SGCZ: variants seen among roughly 807,000 people sequenced by gnomAD.
The protein encoded by SGCZ is zeta-sarcoglycan.
SGCZ carries 40 observed loss-of-function variants against 41.3 expected under a neutral mutation model. That is an observed-to-expected ratio of 0.97 (90% confidence interval 0.75 to 1.26). The LOEUF is 1.26. SGCZ is among the 50% of genes most tolerant of loss of function. The probability of loss-of-function intolerance (pLI) is 0.00; values close to 1 mark genes in which losing one functional copy is unlikely to be tolerated. For missense variants in SGCZ, 552 were observed against 369.8 expected (o/e 1.49, Z -4.04); for synonymous variants, 206 against 137.5 (o/e 1.50, Z -3.49).
At chr8:14,523,684 A>G (rs1802856402) in intron 2 of SGCZ, among the ~76,000 whole-genome samples, 2 of 151,998 alleles carry the variant, frequency 1.3e-5, no homozygotes. Context: ...GATTTGTTCA[A>G]CTTGTTGAAT....
chr8:14,250,264 CA>C (rs1205698727), intron 3 of SGCZ, among the ~76,000 whole-genome samples: 1 of 151,918 alleles, frequency 6.6e-6, no homozygotes, highest in Non-Finnish European at 1.5e-5. Context: ...GCAATTGTTG[CA>C]AAAAAATTTT....
chr8:14,391,261 T>C (rs1257567080), intron 2 of SGCZ, among the ~76,000 whole-genome samples: 2 of 152,180 alleles, frequency 1.3e-5, no homozygotes, highest in South Asian at 2.1e-4. Flanking sequence ...AGGTTCAGTC[T>C]TCTGACAGTT....
intron 1 of SGCZ, among the ~76,000 whole-genome samples, chr8:14,998,971 T>C (rs1802314440): frequency 6.6e-6 from 1 of 152,202 alleles, no homozygotes; most frequent in African/African-American, 2.4e-5. Flanking sequence ...TTTAGCTACT[T>C]CTATAATCTT....
At chr8:14,275,782 G>C (rs539562632) in intron 3 of SGCZ, among the ~76,000 whole-genome samples, 3 of 152,110 alleles carry the variant, frequency 2.0e-5, no homozygotes, top group Admixed American at 2.0e-4. Flanking sequence ...ACTGCTGCTG[G>C]TGGCTGAAGG....
intron 1 of SGCZ, among the ~76,000 whole-genome samples, chr8:15,237,274 G>A (rs1802161855): frequency 6.6e-6 from 1 of 151,938 alleles, no homozygotes; most frequent in Non-Finnish European, 1.5e-5. Flanking sequence ...GAGACGAGCC[G>A]GCAAGAGGCG....
chr8:14,224,909 T>A lies in SGCZ; in HGVS notation c.424+12683A>T, dbSNP rs190091701. Among the ~76,000 whole-genome samples the A allele has an allele frequency of 1.3e-3, 197 of 152,300 alleles. No homozygotes were observed. The Middle Eastern group carries it at 0.02, about 16-fold the overall frequency. On this transcript the variant is annotated intron_variant, in intron 4 of 7. Transcript: ENST00000382080. ...CTCAAGCCACTAAATATTCTCTACA[T>A]AAAGAAATTACTTTGGTTTATTTTG...
At chr8:14,547,554 T>C (rs1387680969) in intron 2 of SGCZ, among the ~76,000 whole-genome samples, 6 of 152,210 alleles carry the variant, frequency 3.9e-5, no homozygotes, top group Non-Finnish European at 7.3e-5. Flanking sequence ...CAGCTAATAA[T>C]GCATGGAAAT....
At chr8:14,630,582 T>C (rs1474820381) in intron 1 of SGCZ, among the ~76,000 whole-genome samples, 1 of 152,064 alleles carries the variant, frequency 6.6e-6, no homozygotes, top group African/African-American at 2.4e-5. Context: ...CGTATGTTTA[T>C]TGCGGCACTA....
chr8:14,672,641 T>C (rs1808141574), intron 1 of SGCZ, among the ~76,000 whole-genome samples: 1 of 152,100 alleles, frequency 6.6e-6, no homozygotes, highest in South Asian at 2.1e-4. Flanking sequence ...AAGAAAAGCT[T>C]TTTGGAGGAA....
intron 1 of SGCZ, among the ~76,000 whole-genome samples, chr8:14,746,428 T>C (rs1799342827): frequency 6.6e-6 from 1 of 152,256 alleles, no homozygotes; most frequent in South Asian, 2.1e-4. Flanking sequence ...AAAAACAATA[T>C]AGCATTTCAG....
At chr8:14,689,071 T>C (rs1808715169) in intron 1 of SGCZ, among the ~76,000 whole-genome samples, 1 of 152,188 alleles carries the variant, frequency 6.6e-6, no homozygotes. Context: ...AAAATTATTA[T>C]AATAGTTCTT....
chr8:14,441,011 G>C (rs1277036046), intron 2 of SGCZ, among the ~76,000 whole-genome samples: 1 of 151,976 alleles, frequency 6.6e-6, no homozygotes, highest in Non-Finnish European at 1.5e-5. Context: ...CGTTGACTGA[G>C]ATTGAAGAAG....
chr8:15,176,924 C>A (rs1305766315), intron 1 of SGCZ, among the ~76,000 whole-genome samples: 1 of 152,086 alleles, frequency 6.6e-6, no homozygotes, highest in Non-Finnish European at 1.5e-5. Context: ...TGGCGTGAAC[C>A]CAGGAGGCAG....
chr8:14,549,004 G>A (rs771057887), intron 2 of SGCZ, among the ~76,000 whole-genome samples: 25 of 152,084 alleles, frequency 1.6e-4, no homozygotes, highest in Non-Finnish European at 3.1e-4. Context: ...TTCTAGAGGG[G>A]TTGTAAAGAA....
intron 3 of SGCZ, among the ~76,000 whole-genome samples, chr8:14,248,341 T>C (rs541563184): frequency 6.6e-6 from 1 of 152,298 alleles, no homozygotes; most frequent in East Asian, 1.9e-4. Context: ...TAACTACCTA[T>C]CATGATGATG....
At chr8:14,138,526 G>GAAAAAAAAAA (rs1803271777) in intron 5 of SGCZ, among the ~76,000 whole-genome samples, 1 of 84,520 alleles carries the variant, frequency 1.2e-5, no homozygotes, top group Non-Finnish European at 2.0e-5. Flanking sequence ...AAAAAAAAAA[G>GAAAAAAAAAA]GGGGGGTTGC....
At chr8:14,624,826 C>A (rs1489857365) in intron 1 of SGCZ, among the ~76,000 whole-genome samples, 1 of 152,028 alleles carries the variant, frequency 6.6e-6, no homozygotes, top group African/African-American at 2.4e-5. Context: ...CCGCCATAGC[C>A]TCCCAAAGTG....
intron 4 of SGCZ, 118 bp downstream of exon 4, chr8:14,237,474 C>G: frequency 2.1e-6 from 2 of 960,176 alleles, no homozygotes; most frequent in Admixed American, 2.0e-5. Flanking sequence ...CAGAGTGAGA[C>G]TCTGTCTCAA....
At chr8:14,335,353 G>C (rs555071831) in intron 2 of SGCZ, among the ~76,000 whole-genome samples, 1 of 152,124 alleles carries the variant, frequency 6.6e-6, no homozygotes, top group East Asian at 1.9e-4. Context: ...GGGTGCTGTA[G>C]ATTTCTATCT....
Sources: gnomAD v4.1 joint callset for allele counts (sites outside exome capture counted in the v4.1 genomes callset) on GRCh38, gnomAD v4.1.1 for gene constraint, MANE v1.5 for transcripts, NCBI Gene and HGNC (gene_info 2026-07-23, HGNC 2026-07-21) for gene names.